GPC5: variants seen among roughly 807,000 people sequenced by gnomAD.
GPC5 encodes glypican 5, also known as glypican-5.
Under a neutral mutation model 53.9 loss-of-function variants are expected in GPC5, and 47 were observed. The ratio of observed to expected loss-of-function variants is 0.87; its 90% CI spans 0.69 to 1.11. The LOEUF (loss-of-function observed/expected upper bound fraction) is 1.11. GPC5 is among the 50% of genes most tolerant of loss of function. GPC5 has a pLI of 0.00. For synonymous variants in GPC5, 286 were observed against 263.3 expected (o/e 1.09, Z -0.84); for missense variants, 748 against 713.1 (o/e 1.05, Z -0.56).
intron 6 of GPC5, among the ~76,000 whole-genome samples, chr13:92,131,893 C>T (rs1048708579): frequency 6.6e-6 from 1 of 150,676 alleles, no homozygotes; most frequent in Non-Finnish European, 1.5e-5. Flanking sequence ...CACATTTTGC[C>T]TATCTATGAC....
At chr13:91,546,032 T>A (rs2030266911) in intron 2 of GPC5, among the ~76,000 whole-genome samples, 2 of 152,106 alleles carry the variant, frequency 1.3e-5, no homozygotes, top group African/African-American at 4.8e-5. Flanking sequence ...AGCACAGATT[T>A]ATATAATGTA....
intron 2 of GPC5, among the ~76,000 whole-genome samples, chr13:91,574,836 G>C (rs557766037): frequency 6.6e-6 from 1 of 152,204 alleles, no homozygotes; most frequent in African/African-American, 2.4e-5. Flanking sequence ...CTCTGTCCAT[G>C]TTCTAATACT....
chr13:91,474,882 G>C (rs189966916), intron 2 of GPC5, among the ~76,000 whole-genome samples: 29 of 152,198 alleles, frequency 1.9e-4, no homozygotes, highest in African/African-American at 7.0e-4. Flanking sequence ...TATTTACTAT[G>C]GGTGACACTA....
In GPC5 at chr13:91,589,998, T is replaced by A. The variant is rs181042825; in HGVS notation, c.326-103189T>A. Reference sequence around the variant, plus strand: ...CTACATTAAAATTTAAAACTTTCTTTAAAAAGTATTATGTAAATGCTTTTG... The same window carrying A: ...CTACATTAAAATTTAAAACTTTCTTAAAAAAGTATTATGTAAATGCTTTTG... On this transcript the variant is annotated intron_variant, in intron 2 of 7. Coordinates refer to ENST00000377067, the MANE Select transcript of GPC5 (RefSeq NM_004466.6). Among the ~76,000 whole-genome samples the A allele has an allele frequency of 6.6e-5, 10 of 152,156 alleles. No individual in the cohort carries two copies. The East Asian group carries it at 1.7e-3, about 26-fold the overall frequency.
chr13:92,704,473 T>C (rs961856180), intron 7 of GPC5, among the ~76,000 whole-genome samples: 1 of 152,018 alleles, frequency 6.6e-6, no homozygotes, highest in Admixed American at 6.6e-5. Context: ...CCAAACCCTT[T>C]TGAAGATGAT....
At chr13:92,438,416 A>G (rs975851500) in intron 7 of GPC5, among the ~76,000 whole-genome samples, 6 of 150,746 alleles carry the variant, frequency 4.0e-5, no homozygotes, top group Non-Finnish European at 8.9e-5. Context: ...ATATTACGAG[A>G]CATGCCTTGA....
intron 7 of GPC5, among the ~76,000 whole-genome samples, chr13:92,539,010 T>A (rs1321847383): frequency 1.5e-5 from 2 of 136,152 alleles, no homozygotes; most frequent in South Asian, 4.7e-4. Context: ...TTTATATATT[T>A]TATATATATT....
chr13:92,342,460 C>T (rs2043375265), intron 7 of GPC5, among the ~76,000 whole-genome samples: 1 of 151,964 alleles, frequency 6.6e-6, no homozygotes, highest in Non-Finnish European at 1.5e-5. Flanking sequence ...GAGTCCTCCG[C>T]CCTCATGAAT....
chr13:92,554,114 G>C (rs1882413712), intron 7 of GPC5, among the ~76,000 whole-genome samples: 1 of 151,986 alleles, frequency 6.6e-6, no homozygotes, highest in African/African-American at 2.4e-5. Context: ...ATAAGGGGCA[G>C]AGTAAGAGGA....
intron 5 of GPC5, among the ~76,000 whole-genome samples, chr13:91,890,589 A>G (rs1367110936): frequency 2.0e-5 from 3 of 152,206 alleles, no homozygotes; most frequent in Admixed American, 1.3e-4. Context: ...GTCCATTACT[A>G]AGTTCAATTT....
chr13:91,957,154 G>A (rs541586100), intron 6 of GPC5, among the ~76,000 whole-genome samples: 1 of 152,192 alleles, frequency 6.6e-6, no homozygotes, highest in African/African-American at 2.4e-5. Flanking sequence ...GAAATTCTGG[G>A]ACTGAGGAAT....
chr13:92,839,514 T>C (rs1878346455), intron 7 of GPC5, among the ~76,000 whole-genome samples: 2 of 151,840 alleles, frequency 1.3e-5, no homozygotes, highest in Non-Finnish European at 2.9e-5. Context: ...TCATGTGTTC[T>C]CATCATTTAG....
chr13:92,086,318 T>C (rs2041335744), intron 6 of GPC5, among the ~76,000 whole-genome samples: 1 of 152,222 alleles, frequency 6.6e-6, no homozygotes, highest in Admixed American at 6.5e-5. Context: ...TCAGATGTTT[T>C]TCCCCCTGCC....
intron 1 of GPC5, among the ~76,000 whole-genome samples, chr13:91,430,709 A>C (rs1269383626): frequency 6.6e-6 from 1 of 152,190 alleles, no homozygotes; most frequent in Non-Finnish European, 1.5e-5. Context: ...CTATACTTTT[A>C]GTTTTCTAGA....
At chr13:92,172,185 G>C (rs2042075232) in intron 7 of GPC5, among the ~76,000 whole-genome samples, 1 of 152,186 alleles carries the variant, frequency 6.6e-6, no homozygotes, top group Admixed American at 6.5e-5. Context: ...GGATGGATGA[G>C]AAGGAGAGTA....
chr13:92,246,642 C>T (rs1470294594), intron 7 of GPC5, among the ~76,000 whole-genome samples: 1 of 152,076 alleles, frequency 6.6e-6, no homozygotes, highest in African/African-American at 2.4e-5. Context: ...GGGGTCAGCC[C>T]TTCATATGTA....
chr13:92,104,710 G>A (rs750624323), intron 6 of GPC5, among the ~76,000 whole-genome samples: 7 of 152,114 alleles, frequency 4.6e-5, no homozygotes, highest in Non-Finnish European at 8.8e-5. Flanking sequence ...GAGAAAAAGG[G>A]GTTAATGAGT....
At chr13:92,579,196 C>T (rs1444624740) in intron 7 of GPC5, among the ~76,000 whole-genome samples, 1 of 150,954 alleles carries the variant, frequency 6.6e-6, no homozygotes, top group Admixed American at 6.7e-5. Flanking sequence ...GGGCCGTCCT[C>T]CCTGAATTAT....
At chr13:92,277,088 A>G (rs1023196018) in intron 7 of GPC5, among the ~76,000 whole-genome samples, 3 of 151,974 alleles carry the variant, frequency 2.0e-5, no homozygotes, top group Admixed American at 6.6e-5. Flanking sequence ...TGCCTGGTTA[A>G]TTCAATGATA....
Sources: allele counts gnomAD v4.1 joint callset (sites outside exome capture counted in the v4.1 genomes callset), GRCh38; gene constraint gnomAD v4.1.1; transcripts MANE v1.5; gene names NCBI Gene and HGNC (gene_info 2026-07-23, HGNC 2026-07-21).